Variants in CACNB2 observed in about 807,000 individuals in gnomAD.
CACNB2 encodes calcium voltage-gated channel auxiliary subunit beta 2.
A neutral mutation model predicts 73.3 loss-of-function variants in CACNB2; 42 were observed. The ratio of observed to expected loss-of-function variants is 0.57; its 90% CI spans 0.45 to 0.74. The LOEUF is 0.74. CACNB2 is among the 30% of genes least tolerant of loss of function. CACNB2 has a pLI of 0.00. For synonymous variants in CACNB2, 348 were observed against 310.3 expected (o/e 1.12, Z -1.28); for missense variants, 940 against 853.0 (o/e 1.10, Z -1.27).
intron 2 of CACNB2, chr10:18,224,349 A>AAAG (rs2035906421): frequency 1.3e-5 from 2 of 151,628 alleles, no homozygotes; most frequent in African/African-American, 4.8e-5. Flanking sequence ...AAAAAAAAAA[A>AAAG]AATTCCAATT....
At chr10:18,518,441 G>C (rs768793814) in intron 8 of CACNB2, 25 bp downstream of exon 8, 1 of 1,465,872 alleles carries the variant, frequency 6.8e-7, no homozygotes, top group Non-Finnish European at 9.6e-7. Context: ...TCCACAGGAA[G>C]CTTAACTTGC....
At chr10:18,219,980 T>C (rs892349689) in intron 2 of CACNB2, among the ~76,000 whole-genome samples, 1 of 148,666 alleles carries the variant, frequency 6.7e-6, no homozygotes, top group African/African-American at 2.5e-5. Flanking sequence ...TTGGCCAGGC[T>C]GGTCACGAAC....
In CACNB2 at chr10:18,539,764, T is replaced by G. The variant is rs752606031; in HGVS notation, c.*40T>G. ...TGTTTTTTTTTTTTTTTTTTTGAAG[T>G]CTTGTATAACTAACAGCATCCCCAA... is the stretch of plus-strand genomic sequence containing the variant. On this transcript the variant is annotated 3_prime_UTR_variant, in exon 14 of 14. Coordinates refer to ENST00000324631, the MANE Select transcript of CACNB2 (RefSeq NM_201596.3). The G allele has an allele frequency of 3.9e-6, 6 of 1,556,178 alleles. No homozygotes were observed. Among genetic ancestry groups the G allele is most frequent in the Middle Eastern group, 1.7e-4 (1 of 5,768 alleles).
intron 3 of CACNB2, among the ~76,000 whole-genome samples, chr10:18,429,119 CTCTT>C (rs2045752613): frequency 6.6e-6 from 1 of 152,152 alleles, no homozygotes; most frequent in Non-Finnish European, 1.5e-5. Context: ...ACAATGAAGT[CTCTT>C]TATGTGTCTG....
rs529710146 is a variant in CACNB2, at chr10:18,327,009, G to A, written c.214-74915G>A. On this transcript the variant is annotated intron_variant, in intron 2 of 13. Coordinates refer to ENST00000324631, the MANE Select transcript of CACNB2 (RefSeq NM_201596.3). ...CTCCCAAAGTGCTGGGATTACAGGCGTGAGTCACTGCACCTAGTGAAAGTA... is the reference window on the plus strand; with the variant it reads ...CTCCCAAAGTGCTGGGATTACAGGCATGAGTCACTGCACCTAGTGAAAGTA... 8.9e-4 allele frequency among the ~76,000 whole-genome samples: 135 copies of A among 152,098 alleles called. 3 individuals are homozygous for A. The South Asian group carries it at 0.027, about 30-fold the overall frequency.
chr10:18,291,534 T>C (rs942653834), intron 2 of CACNB2, among the ~76,000 whole-genome samples: 6 of 152,238 alleles, frequency 3.9e-5, no homozygotes, highest in African/African-American at 1.4e-4. Flanking sequence ...ATGTGTGTGT[T>C]CACGTGCTTA....
At chr10:18,407,102 G>A (rs2044330009) in intron 3 of CACNB2, among the ~76,000 whole-genome samples, 1 of 66,160 alleles carries the variant, frequency 1.5e-5, no homozygotes, top group African/African-American at 4.9e-5. Flanking sequence ...CAGACCTGCT[G>A]TTCTGTCTTT....
chr10:18,315,412 G>T (rs539770870), intron 2 of CACNB2, among the ~76,000 whole-genome samples: 1 of 140,666 alleles, frequency 7.1e-6, no homozygotes. Flanking sequence ...TGTAATCCCA[G>T]TGCTTTGGGA....
intron 3 of CACNB2, among the ~76,000 whole-genome samples, chr10:18,406,269 C>T (rs2044283271): frequency 6.6e-6 from 1 of 152,152 alleles, no homozygotes; most frequent in Admixed American, 6.5e-5. Context: ...GTTTAGACTG[C>T]ATCCTACTGG....
At chr10:18,385,096 C>T (rs1469957695) in intron 2 of CACNB2, among the ~76,000 whole-genome samples, 7 of 151,842 alleles carry the variant, frequency 4.6e-5, no homozygotes, top group Non-Finnish European at 8.8e-5. Flanking sequence ...CCTGGCAAAC[C>T]TGGTGAAACC....
chr10:18,293,611 C>T lies in CACNB2; in HGVS notation c.214-108313C>T, dbSNP rs147544175. The stretch of plus-strand genomic sequence containing the variant: ...TTATGCTAATATTTTTTGAAAAGTT[C>T]AAGTTGTTGGCTAAAAATTTAGGAG... On this transcript the variant is annotated intron_variant, in intron 2 of 13. Coordinates refer to ENST00000324631, the MANE Select transcript of CACNB2 (RefSeq NM_201596.3). Among the ~76,000 whole-genome samples the T allele has an allele frequency of 3.3e-3, 499 of 152,282 alleles. 5 individuals are homozygous for T. The highest frequency in any genetic ancestry group is 0.011 in the African/African-American group (472 of 41,568).
intron 2 of CACNB2, chr10:18,260,390 C>G (rs755858746): frequency 1.0e-6 from 1 of 969,454 alleles, no homozygotes; most frequent in African/African-American, 1.8e-5. Context: ...GGATCAAATT[C>G]GCCTTCCAGA....
chr10:18,346,275 G>A (rs1017562430), intron 2 of CACNB2, among the ~76,000 whole-genome samples: 1 of 152,094 alleles, frequency 6.6e-6, no homozygotes, highest in Non-Finnish European at 1.5e-5. Context: ...GAGTAGCTGG[G>A]ATTACAGGTG....
chr10:18,530,344 A>T (rs564270123), intron 10 of CACNB2, among the ~76,000 whole-genome samples: 1 of 152,260 alleles, frequency 6.6e-6, no homozygotes, highest in Non-Finnish European at 1.5e-5. Flanking sequence ...TCTTTCTCAT[A>T]GTGTTTGTTT....
intron 2 of CACNB2, among the ~76,000 whole-genome samples, chr10:18,167,073 C>G (rs1208274238): frequency 1.3e-5 from 2 of 152,164 alleles, no homozygotes. Flanking sequence ...CACCTGCACC[C>G]TGTTCTTCAA....
chr10:18,529,772 A>T (rs2052814018), intron 10 of CACNB2, among the ~76,000 whole-genome samples: 1 of 152,220 alleles, frequency 6.6e-6, no homozygotes, highest in Admixed American at 6.5e-5. Flanking sequence ...AAAAAATGTG[A>T]TCATGTGTTT....
chr10:18,362,896 G>T (rs1212216318), intron 2 of CACNB2, among the ~76,000 whole-genome samples: 1 of 137,180 alleles, frequency 7.3e-6, no homozygotes, highest in Non-Finnish European at 1.6e-5. Flanking sequence ...GCGACAGAGT[G>T]AAACTCTGTT....
At chr10:18,170,422 A>T (rs1219532137) in intron 2 of CACNB2, among the ~76,000 whole-genome samples, 1 of 152,154 alleles carries the variant, frequency 6.6e-6, no homozygotes, top group Admixed American at 6.5e-5. Context: ...ACTATAGTGC[A>T]CCCTTTTCTA....
chr10:18,185,817 G>A (rs529786427), intron 2 of CACNB2, among the ~76,000 whole-genome samples: 15 of 152,046 alleles, frequency 9.9e-5, no homozygotes, highest in Admixed American at 4.6e-4. Flanking sequence ...AACTGTTCTC[G>A]GTGCTTGGGA....
Sources: gnomAD v4.1 joint callset for allele counts (sites outside exome capture counted in the v4.1 genomes callset) on GRCh38, gnomAD v4.1.1 for gene constraint, MANE v1.5 for transcripts, NCBI Gene and HGNC (gene_info 2026-07-23, HGNC 2026-07-21) for gene names.